The following TBX5 variants were observed in gnomAD, a reference collection of about 807,000 sequenced individuals.
TBX5 encodes T-box transcription factor TBX5.
A neutral mutation model predicts 51.1 loss-of-function variants in TBX5; 8 were observed. That is an observed-to-expected ratio of 0.16 (90% CI 0.09 to 0.28). The LOEUF (loss-of-function observed/expected upper bound fraction) is 0.28. TBX5 is among the 10% of genes least tolerant of loss of function. The pLI is 1.00. For synonymous variants in TBX5, 302 were observed against 266.4 expected (o/e 1.13, Z -1.30); for missense variants, 589 against 671.7 (o/e 0.88, Z 1.36).
chr12:114,398,634 C>T lies in TBX5; in HGVS notation c.449G>A (p.Arg150Lys). Residue 150 changes from arginine (R) to lysine (K), a missense_variant, in exon 5 of 9, where the codon AGG (arginine) becomes AAG (lysine). Transcript: ENST00000405440. ...DSPATGAHWM[R>K]QLVSFQKLKL... ...GAGTTTCTGGAAGGAGACGAGCTGC[C>T]TCATCCAATGCGCCCCGGTGGCGGG... is the stretch of plus-strand genomic sequence containing the variant. 1 of 1,613,700 alleles carries T rather than the reference C, an allele frequency of 6.2e-7. No homozygotes were observed. The highest frequency in any genetic ancestry group is 8.5e-7 in the Non-Finnish European group (1 of 1,179,904).
At position 114,397,406 on chromosome 12, in the gene TBX5, T is replaced by A. The variant is rs551653078; in HGVS notation, c.510+1167A>T. ...CCCCTAGGCTGCCGTGAGAATCAAA[T>A]GCCCAAGACGAATGTACCCACTTGT... On this transcript the variant is annotated intron_variant, in intron 5 of 8. Coordinates refer to ENST00000405440, the MANE Select transcript of TBX5 (RefSeq NM_181486.4). 1.5e-4 allele frequency among the ~76,000 whole-genome samples: 23 copies of A among 152,338 alleles called. 1 individual carries two copies. The South Asian group carries it at 4.1e-3, about 27-fold the overall frequency.
In TBX5 at chr12:114,405,849, C is replaced by A; in HGVS notation, c.-260G>T. On this transcript the variant is annotated 5_prime_UTR_variant, in exon 1 of 9. Coordinates refer to ENST00000405440, the MANE Select transcript of TBX5 (RefSeq NM_181486.4). ...ACACCTCCTCTGCTGTGCGCTTGCTCTCCCTAAATACTTCCCAGTTGGCAA... is the reference window on the plus strand; with the variant it reads ...ACACCTCCTCTGCTGTGCGCTTGCTATCCCTAAATACTTCCCAGTTGGCAA... 1.0e-6 allele frequency: 1 copy of A among 985,516 alleles called. No individual in the cohort carries two copies. The highest frequency in any genetic ancestry group is 1.7e-5 in the African/African-American group (1 of 57,378). The allele number at this position is 985,516 out of a possible 1,614,324, so 61.0% of individuals were successfully genotyped here. A position where few individuals can be genotyped will look rare whatever the true frequency, so the allele number is the denominator to read the frequency against.
chr12:114,363,962 G>A (rs932905029), intron 8 of TBX5, among the ~76,000 whole-genome samples: 2 of 152,170 alleles, frequency 1.3e-5, no homozygotes, highest in African/African-American at 2.4e-5. Context: ...GGCAGCAGAC[G>A]TGCCGGGAGT....
intron 2 of TBX5, among the ~76,000 whole-genome samples, chr12:114,403,542 G>C (rs1017038057): frequency 6.6e-6 from 1 of 152,228 alleles, no homozygotes; most frequent in African/African-American, 2.4e-5. Context: ...CAATAAAGTA[G>C]ATGGCAATAC....
intron 8 of TBX5, among the ~76,000 whole-genome samples, chr12:114,362,360 C>T (rs2136368561): frequency 6.6e-6 from 1 of 152,330 alleles, no homozygotes; most frequent in Non-Finnish European, 1.5e-5. Context: ...AGGCTGGCAT[C>T]TCACTGGTCC....
chr12:114,364,066 T>G (rs1195843897), intron 8 of TBX5, among the ~76,000 whole-genome samples: 1 of 152,218 alleles, frequency 6.6e-6, no homozygotes, highest in African/African-American at 2.4e-5. Context: ...TCAGGCCTCA[T>G]CCAGGTCAGC....
chr12:114,391,414 G>A (rs75874163), intron 6 of TBX5, among the ~76,000 whole-genome samples: 2,298 of 152,196 alleles, frequency 0.015, 62 homozygotes, highest in African/African-American at 0.052. Context: ...GGATGGAGTC[G>A]CCCTGTTAAT....
At chr12:114,369,386 G>C (rs1241456485) in intron 7 of TBX5, among the ~76,000 whole-genome samples, 1 of 152,162 alleles carries the variant, frequency 6.6e-6, no homozygotes, top group Non-Finnish European at 1.5e-5. Context: ...GTCCCTCACA[G>C]CTTGTTTCCC....
rs1269593823 is a variant in TBX5 at position 114,355,121 on chromosome 12, A to G, written c.*411T>C. On this transcript the variant is annotated 3_prime_UTR_variant, in exon 9 of 9. Coordinates refer to ENST00000405440, the MANE Select transcript of TBX5 (RefSeq NM_181486.4). ...AATATATTATCATTTATTATATAAC[A>G]ATGTCAACATTAACACCAAGACAGG... The G allele has an allele frequency of 3.7e-6, 1 of 267,988 alleles. No individual in the cohort carries two copies. The highest frequency in any genetic ancestry group is 8.3e-5 in the East Asian group (1 of 12,042). 16.6% of individuals were successfully genotyped at this position (267,988 alleles called of 1,614,324 possible).
chr12:114,398,642 A>G lies in TBX5; in HGVS notation c.441T>C (p.His147=). The change falls in exon 5 of 9, where the codon CAT becomes CAC. Residue 147 remains histidine (H), a synonymous_variant. Transcript: ENST00000405440. ...VHPDSPATGA[H]WMRQLVSFQK... ...GGAAGGAGACGAGCTGCCTCATCCA[A>G]TGCGCCCCGGTGGCGGGGGAGTCTG... 2 of 1,613,612 alleles carry G rather than the reference A, an allele frequency of 1.2e-6. No individual in the cohort carries two copies. Among genetic ancestry groups the G allele is most frequent in the Non-Finnish European group, 1.7e-6 (2 of 1,179,878 alleles).
At chr12:114,404,682 G>T (rs1451869564) in intron 1 of TBX5, among the ~76,000 whole-genome samples, 1 of 152,102 alleles carries the variant, frequency 6.6e-6, no homozygotes, top group Admixed American at 6.5e-5. Context: ...CCGTGCAGCC[G>T]TTCCGAGGAA....
intron 6 of TBX5, among the ~76,000 whole-genome samples, chr12:114,392,441 G>C (rs887928280): frequency 6.6e-6 from 1 of 152,200 alleles, no homozygotes; most frequent in African/African-American, 2.4e-5. Context: ...TCAACAGAAA[G>C]AGGGAGAGAG....
At chr12:114,401,713 A>C in intron 3 of TBX5, 113 bp downstream of exon 3, 6 of 885,994 alleles carry the variant, frequency 6.8e-6, no homozygotes, top group Admixed American at 1.9e-5. Context: ...CTTTCTCTAT[A>C]TTCCCTCTCC....
intron 8 of TBX5, among the ~76,000 whole-genome samples, chr12:114,360,808 T>G (rs1245486678): frequency 6.6e-6 from 1 of 151,900 alleles, no homozygotes; most frequent in Non-Finnish European, 1.5e-5. Flanking sequence ...TGTTGTTGTT[T>G]TTGTTGTTGT....
intron 5 of TBX5, among the ~76,000 whole-genome samples, chr12:114,395,924 T>C (rs771538993): frequency 1.3e-5 from 2 of 152,158 alleles, no homozygotes; most frequent in Non-Finnish European, 2.9e-5. Flanking sequence ...GGGTTTGTTG[T>C]TCTGATGACG....
intron 7 of TBX5, among the ~76,000 whole-genome samples, chr12:114,367,547 T>G (rs1869615877): frequency 6.6e-6 from 1 of 151,698 alleles, no homozygotes; most frequent in Non-Finnish European, 1.5e-5. Flanking sequence ...TCAGAAGGAC[T>G]CAGTAGAAAC....
At chr12:114,398,521 G>T in intron 5 of TBX5, 52 bp downstream of exon 5, 1 of 1,593,294 alleles carries the variant, frequency 6.3e-7, no homozygotes. Flanking sequence ...TGAGAAGAAG[G>T]GAGAGAGGAC....
chr12:114,400,666 C>G (rs1871752381), intron 3 of TBX5, among the ~76,000 whole-genome samples: 1 of 152,182 alleles, frequency 6.6e-6, no homozygotes. Context: ...ACTTCGCAGG[C>G]CTTTTATAGT....
upstream of TBX5, chr12:114,408,189 A>G (rs1192029616): frequency 4.1e-6 from 4 of 985,236 alleles, no homozygotes; most frequent in African/African-American, 1.7e-5. Context: ...GTCTTCGCCT[A>G]TCAGTGCCGG....
Sources: gnomAD v4.1 joint callset for allele counts (sites outside exome capture counted in the v4.1 genomes callset) on GRCh38, gnomAD v4.1.1 for gene constraint, MANE v1.5 for transcripts, NCBI Gene and HGNC (gene_info 2026-07-23, HGNC 2026-07-21) for gene names.